Variants in SHTN1 observed in about 807,000 individuals in gnomAD.
SHTN1 encodes shootin 1.
SHTN1 carries 42 observed loss-of-function variants against 83.1 expected under a neutral mutation model. The observed-to-expected ratio is 0.51, with a 90% CI of 0.39 to 0.65. The LOEUF is 0.65. Among genes scored for constraint, SHTN1 ranks in the 30% least tolerant of loss-of-function variants. SHTN1 has a pLI of 0.00. For missense variants in SHTN1, 622 were observed against 737.8 expected (o/e 0.84, Z 1.82); for synonymous variants, 224 against 247.7 (o/e 0.90, Z 0.90).
chr10:117,093,174 G>A (rs1230850897), intron 1 of SHTN1, among the ~76,000 whole-genome samples: 1 of 152,088 alleles, frequency 6.6e-6, no homozygotes, highest in Non-Finnish European at 1.5e-5. Flanking sequence ...TTACACATGA[G>A]GAACTAAGCT....
chr10:116,927,859 C>T lies in SHTN1; in HGVS notation c.1045G>A (p.Glu349Lys). Reference sequence around the variant, plus strand: ...GGAGGTGGTGGAGGTACTGAATTCTCAGACTGGTTCACTCGTTTCTGGAGT... The same window carrying T: ...GGAGGTGGTGGAGGTACTGAATTCTTAGACTGGTTCACTCGTTTCTGGAGT... Reference protein sequence around the residue: ...DELQKRVNQSENSVPPPPPPP... With the variant: ...DELQKRVNQSKNSVPPPPPPP... The change falls in exon 11 of 17, where the codon GAG becomes AAG. Residue 349 changes from glutamate to lysine, a missense_variant. Around this residue, in one of 3 missense-constraint regions of SHTN1, gnomAD observed 383 missense variants for 455.8 expected, o/e 0.84. Coordinates refer to ENST00000355371, the MANE Select transcript of SHTN1 (RefSeq NM_001127211.3). 2 of 1,611,858 alleles carry T rather than the reference C, an allele frequency of 1.2e-6. No homozygotes were observed. Among genetic ancestry groups the T allele is most frequent in the Non-Finnish European group, 1.7e-6 (2 of 1,179,066 alleles).
intron 1 of SHTN1, among the ~76,000 whole-genome samples, chr10:117,053,640 C>T (rs1852780893): frequency 6.6e-6 from 1 of 152,142 alleles, no homozygotes; most frequent in African/African-American, 2.4e-5. Context: ...CATTGGAACC[C>T]TCACGCATTG....
At chr10:117,110,736 T>C (rs572369765) in intron 1 of SHTN1, among the ~76,000 whole-genome samples, 2 of 152,252 alleles carry the variant, frequency 1.3e-5, no homozygotes, top group East Asian at 1.9e-4. Flanking sequence ...CTGAGTTTTG[T>C]TCTAGAGCAA....
chr10:116,948,501 T>C (rs1849666244), intron 7 of SHTN1, among the ~76,000 whole-genome samples: 1 of 152,194 alleles, frequency 6.6e-6, no homozygotes, highest in African/African-American at 2.4e-5. Context: ...TATCCCTTTT[T>C]CCACATCCTC....
rs114029760 is a variant in SHTN1 at position 116,935,611 on chromosome 10, T to A, written c.858+4855A>T. On this transcript the variant is annotated intron_variant, in intron 9 of 16. Transcript: ENST00000355371. ...TTCACATTGATGTTCATCAGGGGTA[T>A]TAGCCTGAAATTTTCTTTTTTTGTT... 1.2e-3 allele frequency among the ~76,000 whole-genome samples: 177 copies of A among 152,332 alleles called. 1 individual carries two copies. Among genetic ancestry groups the A allele is most frequent in the African/African-American group, 4.0e-3 (165 of 41,570 alleles).
intron 16 of SHTN1, chr10:116,900,540 T>G (rs1163521891): frequency 6.5e-7 from 1 of 1,534,140 alleles, no homozygotes. Flanking sequence ...ATTCAGATTA[T>G]CTGTGTAAAA....
rs567071394 is a variant in SHTN1, at chr10:117,122,152, ATTTT to A, written c.-189+4151_-189+4154del. 2.6e-5 allele frequency among the ~76,000 whole-genome samples: 4 copies of A among 152,262 alleles called. No homozygotes were observed. The South Asian group carries it at 8.3e-4, about 32-fold the overall frequency. Reference sequence around the variant, plus strand: ...GTTGTACTGTATTTGTATTTACTTTATTTTTTATTTTCATATTGCTATTTATTGT... The same window carrying A: ...GTTGTACTGTATTTGTATTTACTTTATTATTTTCATATTGCTATTTATTGT... On this transcript the variant is annotated intron_variant, in intron 1 of 17. Transcript: ENST00000392901.
At chr10:117,057,326 T>G (rs1332412809) in intron 1 of SHTN1, among the ~76,000 whole-genome samples, 1 of 152,140 alleles carries the variant, frequency 6.6e-6, no homozygotes, top group African/African-American at 2.4e-5. Context: ...GGTAAGCAGC[T>G]GTACACATAT....
chr10:116,936,138 T>C (rs948194622), intron 9 of SHTN1, among the ~76,000 whole-genome samples: 1 of 152,192 alleles, frequency 6.6e-6, no homozygotes, highest in African/African-American at 2.4e-5. Flanking sequence ...ACTGATTTTT[T>C]TGAAGGATTT....
At chr10:116,921,392 G>T (rs1279720484) in intron 12 of SHTN1, 42 bp downstream of exon 12, 1 of 1,421,192 alleles carries the variant, frequency 7.0e-7, no homozygotes, top group Non-Finnish European at 9.9e-7. Flanking sequence ...GCCCCAAAAT[G>T]GTACACCATC....
At chr10:116,956,039 T>C (rs956781095) in intron 4 of SHTN1, among the ~76,000 whole-genome samples, 1 of 152,170 alleles carries the variant, frequency 6.6e-6, no homozygotes, top group Non-Finnish European at 1.5e-5. Flanking sequence ...TCTCAAACTA[T>C]CCCATCTTTT....
intron 3 of SHTN1, among the ~76,000 whole-genome samples, chr10:116,963,351 C>T (rs1850271296): frequency 1.3e-5 from 2 of 151,456 alleles, no homozygotes; most frequent in South Asian, 4.4e-4. Flanking sequence ...GGATTACAAG[C>T]GTGAGCCACC....
chr10:116,886,487 C>G lies in SHTN1; in HGVS notation c.1753G>C (p.Val585Leu), dbSNP rs1847167964. The change falls in exon 17 of 17, where the codon GTT becomes CTT. Residue 585 changes from valine (V) to leucine (L), a missense_variant. By Grantham distance (32) the Val-to-Leu change is conservative (BLOSUM62 1). Around this residue, in one of 3 missense-constraint regions of SHTN1, gnomAD observed 231 missense variants for 251.6 expected, o/e 0.92. Transcript: ENST00000355371. ...QAEPVVVLDP[V>L]STHEPQTKDQ... The stretch of plus-strand genomic sequence containing the variant: ...TTGGTTTGGGGTTCATGTGTAGAAA[C>G]AGGATCTAAAACTACAACTGGTTCG... 6.2e-7 allele frequency: 1 copy of G among 1,613,984 alleles called. No homozygotes were observed. Among genetic ancestry groups the G allele is most frequent in the African/African-American group, 1.3e-5 (1 of 74,908 alleles).
intron 1 of SHTN1, among the ~76,000 whole-genome samples, chr10:117,088,239 A>G (rs888830983): frequency 6.6e-6 from 1 of 152,224 alleles, no homozygotes; most frequent in African/African-American, 2.4e-5. Flanking sequence ...ACAGGAATAC[A>G]CAAAACAAAC....
intron 1 of SHTN1, among the ~76,000 whole-genome samples, chr10:117,120,432 T>C (rs1853906301): frequency 6.6e-6 from 1 of 152,038 alleles, no homozygotes; most frequent in Non-Finnish European, 1.5e-5. Flanking sequence ...GTATTTTTAG[T>C]AGAGACGGGG....
intron 1 of SHTN1, among the ~76,000 whole-genome samples, chr10:116,981,222 G>A (rs1851007820): frequency 1.3e-5 from 2 of 152,192 alleles, no homozygotes; most frequent in Admixed American, 1.3e-4. Flanking sequence ...GGGAGGCTGA[G>A]GCAGGAGAAT....
chr10:116,974,283 C>T (rs1037977404), intron 2 of SHTN1: 11 of 253,236 alleles, frequency 4.3e-5, no homozygotes, highest in African/African-American at 2.5e-4. Flanking sequence ...TACTTTTTCT[C>T]TGGCACAACC....
At chr10:117,117,281 G>T (rs1434312521) in intron 1 of SHTN1, among the ~76,000 whole-genome samples, 1 of 151,972 alleles carries the variant, frequency 6.6e-6, no homozygotes, top group Non-Finnish European at 1.5e-5. Context: ...ATCTGAAAAA[G>T]AAATCAAGAA....
chr10:117,051,867 A>ATAGCTT (rs1852745653), intron 1 of SHTN1, among the ~76,000 whole-genome samples: 1 of 151,600 alleles, frequency 6.6e-6, no homozygotes, highest in South Asian at 2.1e-4. Context: ...GACATGGATG[A>ATAGCTT]TAGCTTTTAC....
Sources: gnomAD v4.1 joint callset for allele counts (sites outside exome capture counted in the v4.1 genomes callset) on GRCh38, gnomAD v4.1.1 for gene constraint, gnomAD v4.1.1 regional missense constraint, MANE v1.5 for transcripts, NCBI Gene and HGNC (gene_info 2026-07-23, HGNC 2026-07-21) for gene names.